The following SLC6A20 variants were observed in gnomAD, a reference collection of about 807,000 sequenced individuals.
The protein encoded by SLC6A20 is sodium- and chloride-dependent transporter XTRP3.
In SLC6A20, 73 loss-of-function variants were observed where a neutral mutation model predicts 64.3. That is an observed-to-expected ratio of 1.14 (90% CI 0.94 to 1.38). The LOEUF is 1.38. Ranked by LOEUF, SLC6A20 falls within the 40% of genes most tolerant of loss-of-function variation. SLC6A20 has a pLI of 0.00. For synonymous variants in SLC6A20, 347 were observed against 329.6 expected (o/e 1.05, Z -0.57); for missense variants, 725 against 772.8 (o/e 0.94, Z 0.73).
rs771579729 is a variant in SLC6A20, at chr3:45,796,428, C to T, written c.-9G>A. 6.2e-7 allele frequency: 1 copy of T among 1,608,490 alleles called. No homozygotes were observed. Among genetic ancestry groups the T allele is most frequent in the Non-Finnish European group, 8.5e-7 (1 of 1,177,634 alleles). Reference sequence around the variant, plus strand: ...GGCCGCGCTTTCTCCATGGCCCCGGCCTCGGCGCGCTCGGCTCCGGCTCGG... The same window carrying T: ...GGCCGCGCTTTCTCCATGGCCCCGGTCTCGGCGCGCTCGGCTCCGGCTCGG... On this transcript the variant is annotated 5_prime_UTR_variant, in exon 1 of 11. Transcript: ENST00000358525.
Position 45,781,379 on chromosome 3 carries a change from C to G in SLC6A20, c.262+704G>C, listed in dbSNP as rs998898127. 3.3e-5 allele frequency among the ~76,000 whole-genome samples: 5 copies of G among 152,328 alleles called. No individual in the cohort carries two copies. The South Asian group carries it at 8.3e-4, about 25-fold the overall frequency. On this transcript the variant is annotated intron_variant, in intron 2 of 10. Coordinates refer to ENST00000358525, the MANE Select transcript of SLC6A20 (RefSeq NM_020208.4). ...CTGAAACGTCACTCTGCTTTCCTGCCTGCCTTCCTTTCTGGGGTGGGAGGG... is the reference window on the plus strand; with the variant it reads ...CTGAAACGTCACTCTGCTTTCCTGCGTGCCTTCCTTTCTGGGGTGGGAGGG...
At chr3:45,774,717 G>T (rs970638301) in intron 4 of SLC6A20, among the ~76,000 whole-genome samples, 1 of 152,150 alleles carries the variant, frequency 6.6e-6, no homozygotes, top group Non-Finnish European at 1.5e-5. Context: ...GGTAGTCAGA[G>T]GGTGAGGACA....
rs1003173003 is a variant in SLC6A20 at position 45,760,111 on chromosome 3, C to T, written c.1464-89G>A. On this transcript the variant is annotated intron_variant, in intron 9 of 10. Coordinates refer to ENST00000358525, the MANE Select transcript of SLC6A20 (RefSeq NM_020208.4). ...TTGCCTGTCCCTATTCACAAAGGAA[C>T]ATTCTGTTCTAGGTGGTAAAGGATG... 3 of 1,426,170 alleles carry T rather than the reference C, an allele frequency of 2.1e-6. No individual in the cohort carries two copies. In the African/African-American group the frequency reaches 4.3e-5, roughly 20 times the overall value. 88.3% of individuals were successfully genotyped at this position (1,426,170 alleles called of 1,614,324 possible).
intron 2 of SLC6A20, among the ~76,000 whole-genome samples, chr3:45,781,217 C>A (rs1700079815): frequency 7.4e-6 from 1 of 134,404 alleles, no homozygotes; most frequent in South Asian, 2.7e-4. Flanking sequence ...CGAAACTCCG[C>A]CTCAAAAAAA....
At chr3:45,771,793 G>A (rs1329657998) in intron 5 of SLC6A20, 11 of 385,086 alleles carry the variant, frequency 2.9e-5, no homozygotes, top group Admixed American at 1.2e-4. Context: ...ACGCCAGTGC[G>A]GAGGTGTGCA....
rs1478792511 is a variant in SLC6A20 at position 45,758,805 on chromosome 3, G to A, written c.*173C>T. ...CAGGGAGGAACAGCCACCACGGGAG[G>A]GTGTGCGTTCTCCCAAGGGAGTTTT... On this transcript the variant is annotated 3_prime_UTR_variant, in exon 11 of 11. Coordinates refer to ENST00000358525, the MANE Select transcript of SLC6A20 (RefSeq NM_020208.4). 5.2e-6 allele frequency: 7 copies of A among 1,354,448 alleles called. No homozygotes were observed. Among genetic ancestry groups the A allele is most frequent in the Non-Finnish European group, 6.7e-6 (7 of 1,052,206 alleles). The allele number at this position is 1,354,448 out of a possible 1,614,324, so 83.9% of individuals were successfully genotyped here.
chr3:45,771,097 A>C (rs941061171), intron 6 of SLC6A20, 120 bp downstream of exon 6: 1 of 1,437,556 alleles, frequency 7.0e-7, no homozygotes, highest in African/African-American at 1.4e-5. Context: ...AGGGAGTCCA[A>C]ATGTGAGCCC....
intron 10 of SLC6A20, 45 bp downstream of exon 10, chr3:45,759,812 G>T (rs747757419): frequency 6.4e-7 from 1 of 1,563,166 alleles, no homozygotes; most frequent in Non-Finnish European, 8.6e-7. Flanking sequence ...ATGCTTTTCA[G>T]TGGCCATGGG....
intron 7 of SLC6A20, among the ~76,000 whole-genome samples, chr3:45,767,912 C>G (rs1575426790): frequency 1.3e-5 from 2 of 152,188 alleles, no homozygotes; most frequent in Admixed American, 1.3e-4. Flanking sequence ...GAATTTTCTA[C>G]TCCGAGGAAC....
intron 2 of SLC6A20, among the ~76,000 whole-genome samples, chr3:45,781,804 G>T (rs925453903): frequency 3.9e-5 from 6 of 152,100 alleles, no homozygotes; most frequent in African/African-American, 1.2e-4. Flanking sequence ...CCTTTTACAG[G>T]TGACCAAGCT....
At chr3:45,770,015 T>TA (rs1699833603) in intron 7 of SLC6A20, among the ~76,000 whole-genome samples, 194 bp downstream of exon 7, 1 of 152,334 alleles carries the variant, frequency 6.6e-6, no homozygotes, top group African/African-American at 2.4e-5. Context: ...GGAAGTTTAT[T>TA]ATAACTAGCA....
chr3:45,794,097 G>A (rs1700302028), intron 1 of SLC6A20, among the ~76,000 whole-genome samples: 2 of 152,242 alleles, frequency 1.3e-5, no homozygotes, highest in Admixed American at 1.3e-4. Context: ...GTGAAGTAGT[G>A]AGGAGAGTCA....
chr3:45,777,586 TCTTG>T (rs1314706006), intron 3 of SLC6A20, among the ~76,000 whole-genome samples: 5 of 152,188 alleles, frequency 3.3e-5, no homozygotes, highest in African/African-American at 9.7e-5. Flanking sequence ...CCTCTCACCC[TCTTG>T]GAGACCAGCT....
chr3:45,772,870 C>T lies in SLC6A20; in HGVS notation c.583-255G>A, dbSNP rs186555863. Among the ~76,000 whole-genome samples, 38 of 152,228 alleles carry T rather than the reference C, an allele frequency of 2.5e-4. No homozygotes were observed. The East Asian group carries it at 6.2e-3, about 25-fold the overall frequency. On this transcript the variant is annotated intron_variant, in intron 4 of 10. Coordinates refer to ENST00000358525, the MANE Select transcript of SLC6A20 (RefSeq NM_020208.4). ...TCAGTAGAGAAGAGGCAAACAGGTA[C>T]CGAGCCTCTGCCTTCCACCCTCCCT...
At chr3:45,784,678 A>C (rs1255210601) in intron 1 of SLC6A20, among the ~76,000 whole-genome samples, 6 of 152,200 alleles carry the variant, frequency 3.9e-5, no homozygotes, top group Non-Finnish European at 7.3e-5. Context: ...GTAAAAAAAA[A>C]ATGTGAACAG....
chr3:45,774,424 C>T (rs926256659), intron 4 of SLC6A20, among the ~76,000 whole-genome samples: 1 of 152,138 alleles, frequency 6.6e-6, no homozygotes, highest in African/African-American at 2.4e-5. Context: ...ATGAGCATGA[C>T]AGTATGGCCA....
intron 7 of SLC6A20, among the ~76,000 whole-genome samples, chr3:45,766,638 G>A (rs969042436): frequency 2.6e-5 from 4 of 152,154 alleles, no homozygotes; most frequent in Non-Finnish European, 5.9e-5. Context: ...GGGTAATTAA[G>A]GTTAAATTGA....
Position 45,775,972 on chromosome 3 carries a change from GACC to G in SLC6A20, c.368_370del (p.Trp123del). On this transcript the variant is annotated inframe_deletion, in exon 4 of 11. Coordinates refer to ENST00000358525, the MANE Select transcript of SLC6A20 (RefSeq NM_020208.4). ...GTGGTTACCATTCAGTGGGCAGACA[GACC>G]ACGGCAGGGGATCCTGTGGGACCAA... The G allele has an allele frequency of 1.2e-6, 2 of 1,614,224 alleles. No individual in the cohort carries two copies. Among genetic ancestry groups the G allele is most frequent in the South Asian group, 2.2e-5 (2 of 91,078 alleles).
chr3:45,784,102 G>A (rs1480285536), intron 1 of SLC6A20, among the ~76,000 whole-genome samples: 2 of 152,172 alleles, frequency 1.3e-5, no homozygotes, highest in Admixed American at 1.3e-4. Flanking sequence ...TCTCTGACAG[G>A]GTCTGACTGC....
Sources: gnomAD v4.1 joint callset for allele counts (sites outside exome capture counted in the v4.1 genomes callset) on GRCh38, gnomAD v4.1.1 for gene constraint, MANE v1.5 for transcripts, NCBI Gene and HGNC (gene_info 2026-07-23, HGNC 2026-07-21) for gene names.